ENPP2: variants seen among roughly 807,000 people sequenced by gnomAD.
The protein encoded by ENPP2 is ectonucleotide pyrophosphatase/phosphodiesterase 2, also known as autotaxin.
In ENPP2, 51 loss-of-function variants were observed where a neutral mutation model predicts 120.2. The ratio of observed to expected loss-of-function variants is 0.42; its 90% CI spans 0.34 to 0.54. ENPP2 has a LOEUF of 0.54. Ranked by LOEUF, ENPP2 falls within the 20% of genes least tolerant of loss-of-function variation. The pLI is 0.04. For synonymous variants in ENPP2, 365 were observed against 366.4 expected (o/e 1.00, Z 0.04); for missense variants, 920 against 1,066.5 (o/e 0.86, Z 1.91).
intron 4 of ENPP2, 50 bp downstream of exon 4, chr8:119,621,344 C>G: frequency 6.3e-7 from 1 of 1,588,626 alleles, no homozygotes; most frequent in South Asian, 1.1e-5. Context: ...CCTGGAGCAC[C>G]TCCAGTTTTT....
At position 119,649,159 on chromosome 8, in the gene ENPP2, G is replaced by A. The variant is rs536860311; in HGVS notation, c.22-10632C>T. Among the ~76,000 whole-genome samples the A allele has an allele frequency of 2.0e-4, 30 of 151,834 alleles. No homozygotes were observed. The South Asian group carries it at 2.7e-3, about 14-fold the overall frequency. On this transcript the variant is annotated intron_variant, in intron 1 of 25. Coordinates refer to the ENPP2 transcript ENST00000427067. ...CTGTAATCCCAGCAATTTGGGAGGC[G>A]GAGGTGGGCGGATCACAAGGTCAGG...
At chr8:119,579,698 G>C (rs918229164) in intron 19 of ENPP2, among the ~76,000 whole-genome samples, 1 of 151,532 alleles carries the variant, frequency 6.6e-6, no homozygotes, top group Non-Finnish European at 1.5e-5. Flanking sequence ...TGATTCCTTC[G>C]GTGAATCTCT....
chr8:119,592,473 CAAAAAAAAAAA>C (rs61330053), intron 12 of ENPP2, among the ~76,000 whole-genome samples: 13 of 54,938 alleles, frequency 2.4e-4, no homozygotes, highest in African/African-American at 8.7e-4. Context: ...AACTCCACCT[CAAAAAAAAAAA>C]AAAAAAAAAA....
rs1342199213 is a variant in ENPP2, at chr8:119,613,087, G to C, written c.777+3178C>G. On this transcript the variant is annotated intron_variant, in intron 8 of 24. Coordinates refer to ENST00000075322, the MANE Select transcript of ENPP2 (RefSeq NM_001040092.3). ...GAGAATCCAGATTTAAACAGAACAG[G>C]GAACAACCCCATGGAAGTATCTTTG... Among the ~76,000 whole-genome samples the C allele has an allele frequency of 2.0e-5, 3 of 151,934 alleles. No homozygotes were observed. In the South Asian group the frequency reaches 6.2e-4, roughly 32 times the overall value.
At chr8:119,646,802 T>C (rs754041589) in intron 1 of ENPP2, among the ~76,000 whole-genome samples, 1 of 152,166 alleles carries the variant, frequency 6.6e-6, no homozygotes, top group East Asian at 1.9e-4. Flanking sequence ...GTTGTGCTCT[T>C]TCATACCTCC....
At chr8:119,645,103 C>T (rs1817403786) in intron 1 of ENPP2, among the ~76,000 whole-genome samples, 1 of 152,172 alleles carries the variant, frequency 6.6e-6, no homozygotes, top group African/African-American at 2.4e-5. Flanking sequence ...ACAAACTCCA[C>T]TTGCAGAGAA....
At position 119,570,839 on chromosome 8, in the gene ENPP2, T is replaced by C; in HGVS notation, c.1783A>G (p.Arg595Gly). The change falls in exon 20 of 25, where the codon AGA (arginine) becomes GGA (glycine). Residue 595 changes from arginine to glycine, a missense_variant and splice_region_variant. Physicochemically the swap from Arg to Gly is moderately radical, Grantham distance 125. Coordinates refer to ENST00000075322, the MANE Select transcript of ENPP2 (RefSeq NM_001040092.3). ...RLHTKGSTEE[R>G]HLLYGRPAVL... ...GCAGGTCGCCCATAGAGGAGGTGTC[T>C]CTCTAAAAAAGAAAAAAAATAAACT... is the stretch of plus-strand genomic sequence containing the variant. 1 of 1,538,474 alleles carries C rather than the reference T, an allele frequency of 6.5e-7. No homozygotes were observed. The highest frequency in any genetic ancestry group is 8.7e-7 in the Non-Finnish European group (1 of 1,151,036).
In ENPP2 at chr8:119,593,774, G is replaced by C. The variant is rs368155133; in HGVS notation, c.1059C>G (p.Asn353Lys). Residue 353 changes from asparagine to lysine, a missense_variant, in exon 12 of 25, where the codon AAC becomes AAG. By Grantham distance (94) the Asn-to-Lys change is moderately conservative. Transcript: ENST00000075322. ...TACCATGGTCTCCGACAAAGATGAC[G>C]TTGACACACCGATGCAGTTTTAGTT... ...LKQLKLHRCV[N>K]VIFVGDHGME... 1 of 1,609,780 alleles carries C rather than the reference G, an allele frequency of 6.2e-7. No individual in the cohort carries two copies. The highest frequency in any genetic ancestry group is 8.5e-7 in the Non-Finnish European group (1 of 1,176,208).
intron 2 of ENPP2, among the ~76,000 whole-genome samples, chr8:119,631,947 C>T (rs1290175974): frequency 6.6e-6 from 1 of 152,140 alleles, no homozygotes; most frequent in African/African-American, 2.4e-5. Context: ...AATCAAGAAG[C>T]AGAAGGAGAA....
intron 11 of ENPP2, among the ~76,000 whole-genome samples, chr8:119,599,674 A>G (rs1461340039): frequency 6.6e-6 from 1 of 152,152 alleles, no homozygotes; most frequent in Non-Finnish European, 1.5e-5. Context: ...TACCTCACAG[A>G]TTGTCTTCCA....
At chr8:119,616,898 C>T (rs562693995) in intron 7 of ENPP2, among the ~76,000 whole-genome samples, 1 of 152,174 alleles carries the variant, frequency 6.6e-6, no homozygotes, top group Non-Finnish European at 1.5e-5. Flanking sequence ...ACAATAGACC[C>T]TCTGGTATTT....
chr8:119,589,819 T>A (rs7008865), intron 13 of ENPP2, among the ~76,000 whole-genome samples: 3,416 of 152,214 alleles, frequency 0.022, 129 homozygotes, highest in African/African-American at 0.077. Flanking sequence ...CCAATAAAAC[T>A]ATGGACTTCT....
chr8:119,602,519 C>A (rs1210145557), intron 9 of ENPP2, among the ~76,000 whole-genome samples: 1 of 151,394 alleles, frequency 6.6e-6, no homozygotes, highest in Non-Finnish European at 1.5e-5. Context: ...AGGGTATAAT[C>A]TTCATCCACA....
Position 119,638,406 on chromosome 8 carries a change from A to T in ENPP2, c.136+19T>A, listed in dbSNP as rs1438737128. 3.9e-6 allele frequency: 5 copies of T among 1,276,264 alleles called. No homozygotes were observed. Among genetic ancestry groups the T allele is most frequent in the South Asian group, 3.6e-5 (3 of 83,488 alleles). 79.1% of individuals were successfully genotyped at this position (1,276,264 alleles called of 1,614,324 possible). ...AATATTTTTAAAAAATTGAAAATGCAAATAGTTTTGACACTTACCTGTAGG... is the reference window on the plus strand; with the variant it reads ...AATATTTTTAAAAAATTGAAAATGCTAATAGTTTTGACACTTACCTGTAGG... On this transcript the variant is annotated intron_variant, in intron 2 of 24. Transcript: ENST00000075322.
intron 1 of ENPP2, among the ~76,000 whole-genome samples, chr8:119,659,561 T>C (rs1817865049): frequency 6.6e-6 from 1 of 152,172 alleles, no homozygotes; most frequent in Non-Finnish European, 1.5e-5. Flanking sequence ...ATCCATCCAT[T>C]GACTAGTTCA....
At chr8:119,592,473 C>CAA (rs61330053) in intron 12 of ENPP2, among the ~76,000 whole-genome samples, 1,583 of 53,684 alleles carry the variant, frequency 0.029, 38 homozygotes, top group African/African-American at 0.063. Context: ...AACTCCACCT[C>CAA]AAAAAAAAAA....
rs765158251 is a variant in ENPP2, at chr8:119,557,526, T to A, written c.2587A>T (p.Ile863Phe). 2 of 1,612,024 alleles carry A rather than the reference T, an allele frequency of 1.2e-6. No individual in the cohort carries two copies. Among genetic ancestry groups the A allele is most frequent in the Non-Finnish European group, 1.7e-6 (2 of 1,179,502 alleles). ...TACTGCAGATGCTCAGAAAGTTAAA[T>A]CTCGCTCTCATATGTATGCAGGTAT... ...KTYLHTYESE[I>F] The change falls in exon 25 of 25, where the codon ATT becomes TTT. Residue 863 changes from isoleucine to phenylalanine, a missense_variant. By Grantham distance (21) the Ile-to-Phe change is conservative. Transcript: ENST00000075322.
At chr8:119,576,627 G>A (rs1229538370) in intron 19 of ENPP2, among the ~76,000 whole-genome samples, 3 of 152,136 alleles carry the variant, frequency 2.0e-5, no homozygotes, top group Admixed American at 2.0e-4. Context: ...GAAAATAAAT[G>A]GTGCAATTAT....
intron 8 of ENPP2, among the ~76,000 whole-genome samples, chr8:119,608,668 T>G (rs1814890278): frequency 6.6e-6 from 1 of 152,212 alleles, no homozygotes. Context: ...CAGTTTGGAT[T>G]TTAAGCCTTG....
Sources: gnomAD v4.1 joint callset for allele counts (sites outside exome capture counted in the v4.1 genomes callset) on GRCh38, gnomAD v4.1.1 for gene constraint, MANE v1.5 for transcripts, NCBI Gene and HGNC (gene_info 2026-07-23, HGNC 2026-07-21) for gene names.